RELN: variants seen among roughly 807,000 people sequenced by gnomAD.
The protein encoded by RELN is reelin.
Under a neutral mutation model 427.6 loss-of-function variants are expected in RELN, and 108 were observed. That is an observed-to-expected ratio of 0.25 (90% CI 0.22 to 0.30). The LOEUF is 0.30. RELN is among the 10% of genes least tolerant of loss of function. The probability of loss-of-function intolerance (pLI) is 1.00; values close to 1 mark genes in which losing one functional copy is unlikely to be tolerated. For missense variants in RELN, 3,715 were observed against 4,302.8 expected (o/e 0.86, Z 3.82); for synonymous variants, 1,524 against 1,513.4 (o/e 1.01, Z -0.16).
chr7:103,517,790 C>T (rs1178425278), intron 49 of RELN, among the ~76,000 whole-genome samples: 1 of 152,178 alleles, frequency 6.6e-6, no homozygotes, highest in Non-Finnish European at 1.5e-5. Flanking sequence ...CCTCAGTGGC[C>T]ATTCTCCCTT....
At position 103,640,530 on chromosome 7, in the gene RELN, T is replaced by G; in HGVS notation, c.2069+13A>C. 1 of 1,613,358 alleles carries G rather than the reference T, an allele frequency of 6.2e-7. No individual in the cohort carries two copies. The highest frequency in any genetic ancestry group is 1.1e-5 in the South Asian group (1 of 91,066). On this transcript the variant is annotated intron_variant, in intron 17 of 64. Transcript: ENST00000428762. The surrounding 1 kb of genome is among the most constrained non-coding windows in gnomAD (Gnocchi z 4.1). ...AAAAAGGAGAAGCATAAGTGTTATT[T>G]TAAGATGCTTACTTGCAACCATGTC...
At chr7:103,778,639 G>A (rs1217852031) in intron 3 of RELN, among the ~76,000 whole-genome samples, 1 of 152,186 alleles carries the variant, frequency 6.6e-6, no homozygotes, top group African/African-American at 2.4e-5. Context: ...CTTGTGAGGA[G>A]TCCACACTGT....
intron 3 of RELN, among the ~76,000 whole-genome samples, chr7:103,802,231 T>C (rs997638525): frequency 4.6e-5 from 7 of 152,102 alleles, no homozygotes; most frequent in African/African-American, 1.7e-4. Context: ...AGTCACAGGG[T>C]CTTGCAAAAC....
At chr7:103,614,605 C>T (rs1832038449) in intron 20 of RELN, among the ~76,000 whole-genome samples, 1 of 149,902 alleles carries the variant, frequency 6.7e-6, no homozygotes, top group Non-Finnish European at 1.5e-5. Flanking sequence ...GAGCCTGGGT[C>T]CCCAGTGTCC....
At chr7:103,856,870 G>C (rs1793960995) in intron 2 of RELN, among the ~76,000 whole-genome samples, 1 of 151,846 alleles carries the variant, frequency 6.6e-6, no homozygotes, top group South Asian at 2.1e-4. Flanking sequence ...CTTTTAATTT[G>C]AATATGTTCC....
At chr7:103,533,462 C>T (rs954667803) in intron 46 of RELN, among the ~76,000 whole-genome samples, 9 of 152,042 alleles carry the variant, frequency 5.9e-5, no homozygotes, top group Middle Eastern at 6.8e-3. Context: ...CTGAGACTGG[C>T]ATATTGTTCT....
At chr7:103,800,703 T>A (rs1483358682) in intron 3 of RELN, among the ~76,000 whole-genome samples, 1 of 152,120 alleles carries the variant, frequency 6.6e-6, no homozygotes, top group African/African-American at 2.4e-5. Context: ...CCAAAAGCAA[T>A]GGCAACAAAA....
chr7:103,519,191 T>C (rs1829642662), intron 49 of RELN, 132 bp downstream of exon 49: 2 of 716,238 alleles, frequency 2.8e-6, no homozygotes, highest in South Asian at 1.6e-5. Flanking sequence ...CAGAAACCCT[T>C]CTTCATTTCA....
intron 19 of RELN, among the ~76,000 whole-genome samples, chr7:103,633,075 A>C (rs1417227247): frequency 6.6e-6 from 1 of 152,124 alleles, no homozygotes; most frequent in African/African-American, 2.4e-5. Context: ...AGATATATTA[A>C]ATTTTTATTA....
intron 3 of RELN, among the ~76,000 whole-genome samples, chr7:103,818,957 A>G (rs893563283): frequency 6.6e-6 from 1 of 152,138 alleles, no homozygotes; most frequent in Non-Finnish European, 1.5e-5. Context: ...AATGTATAAG[A>G]GAACCCCAAG....
chr7:103,760,947 G>A (rs1007905276), intron 4 of RELN, among the ~76,000 whole-genome samples: 3 of 152,126 alleles, frequency 2.0e-5, no homozygotes, highest in Admixed American at 2.0e-4. Context: ...TGACCTTCAA[G>A]TATGATAATT....
rs1468303240 is a variant in RELN, at chr7:103,574,215, T to C, written c.4388A>G (p.Tyr1463Cys). 1 of 1,614,180 alleles carries C rather than the reference T, an allele frequency of 6.2e-7. No homozygotes were observed. The highest frequency in any genetic ancestry group is 8.5e-7 in the Non-Finnish European group (1 of 1,180,030). Residue 1463 changes from tyrosine to cysteine, a missense_variant, in exon 30 of 65, where the codon TAC becomes TGC. Tyr to Cys is a radical substitution (Grantham distance 194, BLOSUM62 -2). Around this residue, in one of 4 missense-constraint regions of RELN, gnomAD observed 2,208 missense variants for 2,361.7 expected, o/e 0.93. Coordinates refer to ENST00000428762, the MANE Select transcript of RELN (RefSeq NM_005045.4). The stretch of plus-strand genomic sequence containing the variant: ...TCCAACCTGGGCACCTGTTATCTTG[T>C]ACCACAGAGGGCTGAGCTTCCCCTC... ...RFEGKLSPLW[Y>C]KITGAQVGTG...
intron 19 of RELN, among the ~76,000 whole-genome samples, chr7:103,630,870 T>TG (rs1341646524): frequency 3.3e-5 from 5 of 150,448 alleles, no homozygotes; most frequent in Non-Finnish European, 7.4e-5. Flanking sequence ...GTTTTTTTTT[T>TG]TTTTGTTTTT....
chr7:103,561,738 C>T (rs1830646200), intron 35 of RELN, 29 bp from the exon 36 acceptor site: 1 of 1,613,744 alleles, frequency 6.2e-7, no homozygotes, highest in Non-Finnish European at 8.5e-7. Context: ...GGAGAAAAGA[C>T]ATTTGTCACA....
At chr7:103,831,792 A>G (rs1262010316) in intron 3 of RELN, among the ~76,000 whole-genome samples, 2 of 152,164 alleles carry the variant, frequency 1.3e-5, no homozygotes, top group African/African-American at 4.8e-5. Flanking sequence ...CCTATATCAA[A>G]GGTTTGGTCT....
chr7:103,965,193 T>A (rs1796637545), intron 1 of RELN, among the ~76,000 whole-genome samples: 3 of 152,214 alleles, frequency 2.0e-5, no homozygotes, highest in African/African-American at 7.2e-5. Context: ...CTTGCTGCCT[T>A]ATAACATCTA....
At position 103,873,275 on chromosome 7, in the gene RELN, C is replaced by T. The variant is rs1474753942; in HGVS notation, c.338-39603G>A. ...GCAGGAAAGATCCAAAATTGACACC[C>T]TAACATCACAATTAAAAGAACTAGA... On this transcript the variant is annotated intron_variant, in intron 2 of 64. Coordinates refer to ENST00000428762, the MANE Select transcript of RELN (RefSeq NM_005045.4). 5.0e-5 allele frequency among the ~76,000 whole-genome samples: 7 copies of T among 140,798 alleles called. No individual in the cohort carries two copies. In the South Asian group the frequency reaches 1.1e-3, roughly 23 times the overall value. The allele number at this position is 140,798 out of a possible 152,430, so 92.4% of individuals were successfully genotyped here.
At chr7:103,889,642 T>C (rs1014475586) in intron 2 of RELN, among the ~76,000 whole-genome samples, 1 of 152,074 alleles carries the variant, frequency 6.6e-6, no homozygotes, top group Admixed American at 6.6e-5. Context: ...TCTTTCCACC[T>C]GACAGATTGA....
intron 8 of RELN, among the ~76,000 whole-genome samples, chr7:103,712,019 T>C (rs1199606514): frequency 1.3e-5 from 2 of 152,132 alleles, no homozygotes; most frequent in Non-Finnish European, 2.9e-5. Context: ...ATAGACCTCA[T>C]TAAACCTCAG....
Sources: gnomAD v4.1 joint callset for allele counts (sites outside exome capture counted in the v4.1 genomes callset) on GRCh38, gnomAD v4.1.1 for gene constraint, gnomAD v4.1.1 regional missense constraint, Gnocchi (gnomAD v3.1) non-coding constraint, MANE v1.5 for transcripts, NCBI Gene and HGNC (gene_info 2026-07-23, HGNC 2026-07-21) for gene names.